Variants in NOL10 observed in about 807,000 individuals in gnomAD.
The protein encoded by NOL10 is nucleolar protein 10.
Under a neutral mutation model 103.5 loss-of-function variants are expected in NOL10, and 58 were observed. The ratio of observed to expected loss-of-function variants is 0.56; its 90% CI spans 0.45 to 0.70. NOL10 has a LOEUF of 0.70. NOL10 is among the 30% of genes least tolerant of loss of function. NOL10 has a pLI of 0.00. For synonymous variants in NOL10, 287 were observed against 282.5 expected (o/e 1.02, Z -0.16); for missense variants, 763 against 807.3 (o/e 0.95, Z 0.67).
intron 1 of NOL10, among the ~76,000 whole-genome samples, chr2:10,686,910 T>C (rs1187141014): frequency 6.6e-6 from 1 of 152,122 alleles, no homozygotes; most frequent in African/African-American, 2.4e-5. Flanking sequence ...CTATCAGACA[T>C]CCAAGCGGGG....
Position 10,587,230 on chromosome 2 carries a change from T to TATATATACATACATATATATATACAC in NOL10, c.1844+1812_1844+1813insGTGTATATATATATGTATGTATATAT, listed in dbSNP as rs1572240399. ...ACATATATATATACATATATATACA[T>TATATATACATACATATATATATACAC]ATATATATACATACATATATATATA... On this transcript the variant is annotated intron_variant, in intron 19 of 20. Transcript: ENST00000381685. Among the ~76,000 whole-genome samples, 2 of 37,456 alleles carry TATATATACATACATATATATATACAC rather than the reference T, an allele frequency of 5.3e-5. 1 individual carries two copies. The highest frequency in any genetic ancestry group is 9.1e-5 in the Non-Finnish European group (2 of 21,980). The allele number at this position is 37,456 out of a possible 152,430, so 24.6% of individuals were successfully genotyped here. A position where few individuals can be genotyped will look rare whatever the true frequency, so the allele number is the denominator to read the frequency against.
chr2:10,650,305 C>T (rs1343779405), intron 12 of NOL10, among the ~76,000 whole-genome samples: 3 of 55,642 alleles, frequency 5.4e-5, no homozygotes, highest in African/African-American at 8.4e-5. Flanking sequence ...GGACTACAGG[C>T]GCACAGTGCC....
At chr2:10,600,445 G>A (rs1675913620) in intron 17 of NOL10, among the ~76,000 whole-genome samples, 1 of 152,144 alleles carries the variant, frequency 6.6e-6, no homozygotes, top group Non-Finnish European at 1.5e-5. Flanking sequence ...GAAGGATTGA[G>A]TAAATTATAA....
intron 9 of NOL10, 62 bp from the exon 10 acceptor site, chr2:10,659,312 T>C: frequency 1.8e-6 from 1 of 560,176 alleles, no homozygotes; most frequent in African/African-American, 2.1e-5. Flanking sequence ...AAGTAACAAG[T>C]TCATTATTAG....
At chr2:10,591,808 A>C (rs147213790) in intron 17 of NOL10, among the ~76,000 whole-genome samples, 2,766 of 152,226 alleles carry the variant, frequency 0.018, 38 homozygotes, top group Non-Finnish European at 0.029. Context: ...GTTCAAGACC[A>C]GCCTGGGCAA....
At chr2:10,649,311 ATTT>A (rs56031158) in intron 12 of NOL10, among the ~76,000 whole-genome samples, 41 of 99,058 alleles carry the variant, frequency 4.1e-4, no homozygotes, top group African/African-American at 1.6e-3. Flanking sequence ...GTATGTTTGA[ATTT>A]TTTTTTTTTT....
intron 13 of NOL10, among the ~76,000 whole-genome samples, chr2:10,633,510 G>A (rs1222356636): frequency 6.6e-6 from 1 of 151,620 alleles, no homozygotes; most frequent in Non-Finnish European, 1.5e-5. Context: ...AACAGTGGCT[G>A]GGGATTTGGT....
intron 14 of NOL10, among the ~76,000 whole-genome samples, chr2:10,606,158 G>A (rs1046273990): frequency 2.0e-5 from 3 of 151,266 alleles, no homozygotes; most frequent in African/African-American, 7.2e-5. Flanking sequence ...GAAAGGGCAC[G>A]GACTCTTGGA....
intron 20 of NOL10, among the ~76,000 whole-genome samples, chr2:10,576,795 T>C (rs975418873): frequency 4.6e-5 from 7 of 152,204 alleles, no homozygotes; most frequent in Admixed American, 1.3e-4. Flanking sequence ...AGTGTGATGG[T>C]TGCCCAACTC....
At chr2:10,591,477 T>A (rs1036382827) in intron 17 of NOL10, among the ~76,000 whole-genome samples, 1 of 152,176 alleles carries the variant, frequency 6.6e-6, no homozygotes, top group African/African-American at 2.4e-5. Flanking sequence ...TGGTGAATAG[T>A]CTGGCGACAT....
In NOL10 at chr2:10,671,656, A is replaced by G. The variant is rs1175496134; in HGVS notation, c.362T>C (p.Phe121Ser). The change falls in exon 6 of 21, where the codon TTT (phenylalanine) becomes TCT (serine). Residue 121 changes from phenylalanine to serine, a missense_variant. Physicochemically the swap from Phe to Ser is radical, Grantham distance 155. Coordinates refer to ENST00000381685, the MANE Select transcript of NOL10 (RefSeq NM_024894.4). ...GTAGTAAAAACCTGATTGCGAATGA[A>G]ATTCAATGTATCTATCATTATGTAA... ...VFLHNDRYIE[F>S]HSQSGFYYKT... 1.1e-5 allele frequency: 17 copies of G among 1,578,508 alleles called. No individual in the cohort carries two copies. Among genetic ancestry groups the G allele is most frequent in the Non-Finnish European group, 1.4e-5 (16 of 1,159,800 alleles).
At chr2:10,662,715 G>A (rs908855372) in intron 9 of NOL10, among the ~76,000 whole-genome samples, 4 of 152,158 alleles carry the variant, frequency 2.6e-5, no homozygotes, top group Non-Finnish European at 4.4e-5. Flanking sequence ...AATTCCTGTA[G>A]TGTAATTGTT....
rs1014594749 is a variant in NOL10, at chr2:10,667,028, ATAT to A, written c.591+187_591+189del. Among the ~76,000 whole-genome samples the A allele has an allele frequency of 2.6e-5, 4 of 152,346 alleles. No homozygotes were observed. In the South Asian group the frequency reaches 8.3e-4, roughly 32 times the overall value. ...AAGTGTGAAGGACATTGATTCAAAG[ATAT>A]TATCATTTAAAAGAAAAATGTTGTG... On this transcript the variant is annotated intron_variant, in intron 8 of 20. Coordinates refer to ENST00000381685, the MANE Select transcript of NOL10 (RefSeq NM_024894.4).
chr2:10,627,086 T>C (rs1214839839), intron 13 of NOL10, among the ~76,000 whole-genome samples: 1 of 152,196 alleles, frequency 6.6e-6, no homozygotes, highest in Non-Finnish European at 1.5e-5. Flanking sequence ...AGTGTTTAGA[T>C]TAAAATAGGA....
intron 8 of NOL10, 141 bp downstream of exon 8, chr2:10,667,077 C>T: frequency 1.7e-6 from 1 of 588,026 alleles, no homozygotes; most frequent in South Asian, 2.3e-5. Flanking sequence ...TCAATATTTA[C>T]TGAATGTTAC....
chr2:10,602,863 C>G lies in NOL10; in HGVS notation c.1245G>C (p.Met415Ile). The G allele has an allele frequency of 6.3e-7, 1 of 1,598,296 alleles. No homozygotes were observed. The highest frequency in any genetic ancestry group is 8.5e-7 in the Non-Finnish European group (1 of 1,172,180). ...DIRLYHKVKL[M>I]VNPFAYEEYR... Reference sequence around the variant, plus strand: ...ATTCTTCATAAGCAAATGGATTTACCATCAGTTTCACCTTTTCAAAATGAA... The same window carrying G: ...ATTCTTCATAAGCAAATGGATTTACGATCAGTTTCACCTTTTCAAAATGAA... The change falls in exon 16 of 21, where the codon ATG becomes ATC. Residue 415 changes from methionine to isoleucine, a missense_variant. Met to Ile is a conservative substitution (Grantham distance 10, BLOSUM62 1). Coordinates refer to ENST00000381685, the MANE Select transcript of NOL10 (RefSeq NM_024894.4).
Position 10,602,225 on chromosome 2 carries a change from C to A in NOL10, c.1332+551G>T, listed in dbSNP as rs529737573. 6.6e-5 allele frequency among the ~76,000 whole-genome samples: 10 copies of A among 152,372 alleles called. 1 individual carries two copies. In the East Asian group the frequency reaches 1.3e-3, roughly 21 times the overall value. On this transcript the variant is annotated intron_variant, in intron 16 of 20. Transcript: ENST00000381685. The stretch of plus-strand genomic sequence containing the variant: ...TCCACGGGGCCTCCTCTTCCTATTC[C>A]CCAGGCTGTTCCGCAGCTCTGAGTT...
chr2:10,681,073 T>C (rs1237254724), intron 3 of NOL10, among the ~76,000 whole-genome samples: 1 of 152,118 alleles, frequency 6.6e-6, no homozygotes. Context: ...ACACTAAACA[T>C]ACACCTACCT....
chr2:10,648,223 T>C (rs759684930), intron 12 of NOL10, among the ~76,000 whole-genome samples: 6 of 152,074 alleles, frequency 3.9e-5, no homozygotes, highest in Non-Finnish European at 7.3e-5. Flanking sequence ...ACCATAATCA[T>C]GATTATGCTT....
Sources: allele counts gnomAD v4.1 joint callset (sites outside exome capture counted in the v4.1 genomes callset), GRCh38; gene constraint gnomAD v4.1.1; transcripts MANE v1.5; gene names NCBI Gene and HGNC (gene_info 2026-07-23, HGNC 2026-07-21).